PSD3: variants seen among roughly 807,000 people sequenced by gnomAD.
PSD3 encodes PH and SEC7 domain-containing protein 3.
PSD3 carries 49 observed loss-of-function variants against 105.5 expected under a neutral mutation model. The observed-to-expected ratio is 0.46, with a 90% CI of 0.37 to 0.59. The LOEUF (loss-of-function observed/expected upper bound fraction) is 0.59. PSD3 is among the 20% of genes least tolerant of loss of function. PSD3 has a pLI of 0.00. For missense variants in PSD3, 1,561 were observed against 1,263.8 expected, an observed-to-expected ratio of 1.24 and a Z score of -3.57; for synonymous variants, 557 against 457.8, an observed-to-expected ratio of 1.22 and a Z score of -2.77.
chr8:18,556,661 C>A (rs1018193256), intron 14 of PSD3, among the ~76,000 whole-genome samples: 2 of 152,236 alleles, frequency 1.3e-5, no homozygotes, highest in African/African-American at 4.8e-5. Flanking sequence ...GATGCCCTGA[C>A]AGGCATGTCA....
chr8:18,951,735 A>G (rs892775333), intron 1 of PSD3, among the ~76,000 whole-genome samples: 5 of 152,188 alleles, frequency 3.3e-5, no homozygotes, highest in African/African-American at 1.2e-4. Flanking sequence ...CTGTAATCCC[A>G]GCACTTTGGG....
At chr8:18,934,863 G>A (rs1157679838) in intron 2 of PSD3, among the ~76,000 whole-genome samples, 2 of 152,104 alleles carry the variant, frequency 1.3e-5, no homozygotes, top group Non-Finnish European at 2.9e-5. Context: ...TTTATCATCG[G>A]TTTTCCATAA....
At chr8:19,077,268 T>G (rs1272954679) in intron 1 of PSD3, among the ~76,000 whole-genome samples, 1 of 152,208 alleles carries the variant, frequency 6.6e-6, no homozygotes, top group East Asian at 1.9e-4. Context: ...TGTAAGTGCT[T>G]GAATAATTCC....
At chr8:18,843,527 C>A (rs963130472) in intron 4 of PSD3, among the ~76,000 whole-genome samples, 1 of 152,096 alleles carries the variant, frequency 6.6e-6, no homozygotes, top group Admixed American at 6.6e-5. Flanking sequence ...TACTTCAGAG[C>A]ACTCTGTATT....
intron 11 of PSD3, among the ~76,000 whole-genome samples, chr8:18,628,654 A>C (rs997294294): frequency 4.6e-5 from 7 of 152,000 alleles, no homozygotes; most frequent in African/African-American, 1.7e-4. Context: ...CATAGAATTA[A>C]AATATAGGAC....
At chr8:19,030,705 T>C (rs1827736360) in intron 1 of PSD3, among the ~76,000 whole-genome samples, 1 of 152,138 alleles carries the variant, frequency 6.6e-6, no homozygotes, top group Non-Finnish European at 1.5e-5. Context: ...CTCTTTTTAA[T>C]TACCGTTTAT....
At chr8:18,577,354 C>T (rs1802523054) in intron 12 of PSD3, among the ~76,000 whole-genome samples, 1 of 151,962 alleles carries the variant, frequency 6.6e-6, no homozygotes, top group Non-Finnish European at 1.5e-5. Context: ...GTTCCATAAA[C>T]ATACAAAAAA....
chr8:18,569,458 C>T (rs536869603), intron 14 of PSD3, among the ~76,000 whole-genome samples: 12 of 150,256 alleles, frequency 8.0e-5, no homozygotes, highest in South Asian at 2.2e-4. Context: ...TATACACCAA[C>T]AACAGACAAA....
In PSD3 at chr8:18,867,953, G is replaced by A; in HGVS notation, c.1355C>T (p.Thr452Ile). The change falls in exon 4 of 16, where the codon ACT becomes ATT. Residue 452 changes from threonine to isoleucine, a missense_variant. By Grantham distance (89) the Thr-to-Ile change is moderately conservative. Transcript: ENST00000327040. ...SSQFETILDN[T>I]SLYYSAESLE... is the part of the protein sequence containing the mutation. ...GGACTCTGCACTGTAGTATAAAGAA[G>A]TGTTGTCCAAAATGGTTTCAAACTG... 1 of 1,614,204 alleles carries A rather than the reference G, an allele frequency of 6.2e-7. No homozygotes were observed.
At chr8:18,687,247 T>C (rs62495778) in intron 9 of PSD3, among the ~76,000 whole-genome samples, 8,343 of 152,154 alleles carry the variant, frequency 0.055, 536 homozygotes, top group African/African-American at 0.15. Flanking sequence ...GCGGATCACA[T>C]GAGTCCAAGA....
chr8:18,729,742 T>C (rs1803593928), intron 9 of PSD3, among the ~76,000 whole-genome samples: 1 of 152,214 alleles, frequency 6.6e-6, no homozygotes, highest in African/African-American at 2.4e-5. Context: ...ATGAGGCCAC[T>C]GTGAGAAATT....
intron 4 of PSD3, among the ~76,000 whole-genome samples, chr8:18,852,389 C>CA (rs1815656671): frequency 6.6e-6 from 1 of 152,110 alleles, no homozygotes; most frequent in African/African-American, 2.4e-5. Context: ...AAAAAGCTGC[C>CA]ACCACTGCTG....
At chr8:18,946,079 G>A (rs1444722293) in intron 1 of PSD3, among the ~76,000 whole-genome samples, 1 of 152,210 alleles carries the variant, frequency 6.6e-6, no homozygotes, top group Admixed American at 6.5e-5. Context: ...AGACTAACAT[G>A]TAACTTGTTA....
chr8:18,684,136 C>A, intron 9 of PSD3: 1 of 487,670 alleles, frequency 2.1e-6, no homozygotes, highest in Non-Finnish European at 3.7e-6. Flanking sequence ...TTGTTCCAGG[C>A]ACAGCTCACG....
In PSD3 at chr8:18,579,069, T is replaced by A. The variant is rs1343711538; in HGVS notation, c.2482-3784A>T. The stretch of plus-strand genomic sequence containing the variant: ...CTTAAAATATTTTCAGCATTCTGAA[T>A]TCCTACTAGAAAATAAAGCTCCAAG... On this transcript the variant is annotated intron_variant, in intron 12 of 15. Transcript: ENST00000327040. Among the ~76,000 whole-genome samples, 7 of 147,540 alleles carry A rather than the reference T, an allele frequency of 4.7e-5. No homozygotes were observed. The East Asian group carries it at 1.2e-3, about 25-fold the overall frequency.
chr8:18,538,042 G>A (rs1463411419), intron 15 of PSD3, among the ~76,000 whole-genome samples: 1 of 152,178 alleles, frequency 6.6e-6, no homozygotes, highest in African/African-American at 2.4e-5. Context: ...CCCGTGACAT[G>A]GGCAGTAGGT....
At chr8:18,951,830 C>CAAAAAATT (rs1210767873) in intron 1 of PSD3, among the ~76,000 whole-genome samples, 2 of 151,970 alleles carry the variant, frequency 1.3e-5, no homozygotes, top group African/African-American at 4.8e-5. Context: ...ACTAAAAATA[C>CAAAAAATT]AAAAAATTAG....
At chr8:18,538,715 T>C (rs139166541) in intron 15 of PSD3, among the ~76,000 whole-genome samples, 19 of 152,300 alleles carry the variant, frequency 1.2e-4, no homozygotes, top group South Asian at 2.1e-4. Flanking sequence ...AGTCTTTGAA[T>C]AAAGTGATAC....
At chr8:18,709,259 A>C (rs1802092255) in intron 9 of PSD3, among the ~76,000 whole-genome samples, 1 of 152,134 alleles carries the variant, frequency 6.6e-6, no homozygotes, top group Non-Finnish European at 1.5e-5. Context: ...TTTAGGTGGG[A>C]CCTGATCCAT....
Sources: allele counts gnomAD v4.1 joint callset (sites outside exome capture counted in the v4.1 genomes callset), GRCh38; gene constraint gnomAD v4.1.1; transcripts MANE v1.5; gene names NCBI Gene and HGNC (gene_info 2026-07-23, HGNC 2026-07-21).